TNKS: variants seen among roughly 807,000 people sequenced by gnomAD.
TNKS encodes the protein poly [ADP-ribose] polymerase tankyrase-1.
In TNKS, 72 loss-of-function variants were observed where a neutral mutation model predicts 135.8. The observed-to-expected ratio is 0.53, with a 90% CI of 0.44 to 0.64. The LOEUF is 0.64. Ranked by LOEUF, TNKS falls within the 30% of genes least tolerant of loss-of-function variation. The pLI is 0.00. For missense variants in TNKS, 1,769 were observed against 1,674.0 expected (o/e 1.06, Z -0.99); for synonymous variants, 849 against 649.3 (o/e 1.31, Z -4.68).
chr8:9,589,112 GA>G (rs1213897252), intron 2 of TNKS, among the ~76,000 whole-genome samples: 2 of 152,202 alleles, frequency 1.3e-5, no homozygotes, highest in East Asian at 3.9e-4. Flanking sequence ...ATTGACATGA[GA>G]AAAAATCTAT....
chr8:9,607,386 G>A (rs537972439), intron 2 of TNKS, among the ~76,000 whole-genome samples: 1 of 152,250 alleles, frequency 6.6e-6, no homozygotes, highest in East Asian at 1.9e-4. Flanking sequence ...AGTTAGAAAA[G>A]GGAAGAGTAT....
At chr8:9,770,955 G>C (rs1807794111) in intron 26 of TNKS, among the ~76,000 whole-genome samples, 1 of 152,104 alleles carries the variant, frequency 6.6e-6, no homozygotes, top group Non-Finnish European at 1.5e-5. Context: ...CATGGTAGAA[G>C]AAGGGACATA....
intron 17 of TNKS, among the ~76,000 whole-genome samples, chr8:9,747,083 A>G (rs1009319135): frequency 2.6e-5 from 4 of 151,778 alleles, no homozygotes; most frequent in African/African-American, 7.3e-5. Flanking sequence ...GGGTTTCACT[A>G]TGTTGGCCAG....
intron 1 of TNKS, among the ~76,000 whole-genome samples, chr8:9,569,651 T>C (rs999718991): frequency 1.3e-5 from 2 of 152,230 alleles, no homozygotes; most frequent in Non-Finnish European, 2.9e-5. Context: ...TTTGTACACG[T>C]CTGTAAACGT....
chr8:9,765,682 A>T lies in TNKS; in HGVS notation c.3448-10A>T. ...CACCGATAATGTTTCTTTCTTCTTC[A>T]TCCTTAAAGATTCAAAAAGTTGTCA... is the stretch of plus-strand genomic sequence containing the variant. On this transcript the variant is annotated splice_polypyrimidine_tract_variant and intron_variant, in intron 23 of 26. Coordinates refer to ENST00000310430, the MANE Select transcript of TNKS (RefSeq NM_003747.3). 1 of 1,606,230 alleles carries T rather than the reference A, an allele frequency of 6.2e-7. No individual in the cohort carries two copies. The highest frequency in any genetic ancestry group is 8.5e-7 in the Non-Finnish European group (1 of 1,173,782).
intron 11 of TNKS, among the ~76,000 whole-genome samples, chr8:9,719,230 A>C (rs1050677307): frequency 3.9e-5 from 6 of 152,220 alleles, no homozygotes; most frequent in African/African-American, 1.4e-4. Flanking sequence ...GAGTAAGTAC[A>C]ACAGCCTTAC....
chr8:9,694,763 A>T (rs1257084017), intron 5 of TNKS, among the ~76,000 whole-genome samples: 1 of 11,408 alleles, frequency 8.8e-5, no homozygotes, highest in Non-Finnish European at 2.5e-4. Flanking sequence ...CTCTGTCTCA[A>T]AAAAAAAAAA....
intron 3 of TNKS, among the ~76,000 whole-genome samples, chr8:9,652,157 A>G (rs1801170622): frequency 6.6e-6 from 1 of 152,246 alleles, no homozygotes; most frequent in South Asian, 2.1e-4. Flanking sequence ...GTCACCAGCT[A>G]GAATATTAAG....
At chr8:9,593,558 C>A (rs184314833) in intron 2 of TNKS, among the ~76,000 whole-genome samples, 31 of 152,204 alleles carry the variant, frequency 2.0e-4, no homozygotes, top group Non-Finnish European at 4.0e-4. Context: ...CACCAAACCC[C>A]CTTCCCCCCA....
chr8:9,646,573 T>G (rs1301673074), intron 3 of TNKS, among the ~76,000 whole-genome samples: 1 of 152,200 alleles, frequency 6.6e-6, no homozygotes, highest in East Asian at 1.9e-4. Context: ...TGTTCCCTTT[T>G]AAGTGGAATC....
intron 5 of TNKS, among the ~76,000 whole-genome samples, chr8:9,695,634 T>A (rs1803479561): frequency 1.3e-5 from 2 of 152,218 alleles, no homozygotes; most frequent in Non-Finnish European, 2.9e-5. Context: ...TGCTGTCATG[T>A]TGTGTTACTC....
chr8:9,665,733 G>A (rs980690847), intron 3 of TNKS, among the ~76,000 whole-genome samples: 2 of 152,132 alleles, frequency 1.3e-5, no homozygotes, highest in Non-Finnish European at 2.9e-5. Context: ...GGATACTGGA[G>A]CATGGTGCAA....
chr8:9,658,700 CA>C (rs1801545034), intron 3 of TNKS, among the ~76,000 whole-genome samples: 1 of 152,184 alleles, frequency 6.6e-6, no homozygotes, highest in Admixed American at 6.5e-5. Flanking sequence ...AACTAGCTAA[CA>C]TCATAATGAC....
intron 17 of TNKS, chr8:9,740,823 G>GTTTTTTTTT (rs565849400): frequency 1.7e-5 from 1 of 60,494 alleles, no homozygotes; most frequent in Non-Finnish European, 3.7e-5. Context: ...TGTAATTCTT[G>GTTTTTTTTT]TTGTTTTTTT....
chr8:9,575,955 T>C (rs1797928991), intron 1 of TNKS, among the ~76,000 whole-genome samples: 3 of 152,162 alleles, frequency 2.0e-5, no homozygotes, highest in South Asian at 4.1e-4. Flanking sequence ...AAAAAAATAA[T>C]TCTGTTGAAT....
chr8:9,704,976 C>CT (rs1291996597), intron 6 of TNKS, among the ~76,000 whole-genome samples: 2 of 152,148 alleles, frequency 1.3e-5, no homozygotes, highest in Non-Finnish European at 2.9e-5. Context: ...TATCACCGTT[C>CT]TGTTACTTGA....
intron 14 of TNKS, among the ~76,000 whole-genome samples, chr8:9,731,913 G>A (rs1390674218): frequency 2.6e-5 from 4 of 152,020 alleles, no homozygotes; most frequent in East Asian, 1.9e-4. Flanking sequence ...TCAGCCTCCC[G>A]AATAGCTGGG....
At chr8:9,770,043 G>T in intron 25 of TNKS, 63 bp from the exon 26 acceptor site, 2 of 1,437,490 alleles carry the variant, frequency 1.4e-6, no homozygotes, top group Non-Finnish European at 1.9e-6. Context: ...AATAGATCTA[G>T]CAGTTATATT....
intron 3 of TNKS, among the ~76,000 whole-genome samples, chr8:9,641,752 G>C (rs116815148): frequency 0.013 from 1,838 of 144,960 alleles, 209 homozygotes; most frequent in African/African-American, 0.027. Flanking sequence ...GGCCAGTTAT[G>C]ATGATATATT....
Sources: allele counts gnomAD v4.1 joint callset (sites outside exome capture counted in the v4.1 genomes callset), GRCh38; gene constraint gnomAD v4.1.1; transcripts MANE v1.5; gene names NCBI Gene and HGNC (gene_info 2026-07-23, HGNC 2026-07-21).